The following EPRS1 variants were observed in gnomAD, a reference collection of about 807,000 sequenced individuals.
The protein encoded by EPRS1 is bifunctional glutamate/proline--tRNA ligase.
A neutral mutation model predicts 188.3 loss-of-function variants in EPRS1; 107 were observed. The observed-to-expected ratio is 0.57, with a 90% CI of 0.49 to 0.67. The LOEUF is 0.67. Among genes scored for constraint, EPRS1 ranks in the 30% least tolerant of loss-of-function variants. EPRS1 has a pLI of 0.00. For missense variants in EPRS1, 1,577 were observed against 1,802.2 expected, an observed-to-expected ratio of 0.88 and a Z score of 2.26; for synonymous variants, 596 against 593.1, an observed-to-expected ratio of 1.00 and a Z score of -0.07.
chr1:220,001,751 G>A (rs984495895), intron 16 of EPRS1, among the ~76,000 whole-genome samples: 12 of 152,130 alleles, frequency 7.9e-5, no homozygotes, highest in Non-Finnish European at 1.0e-4. Flanking sequence ...AGTCTTGGCC[G>A]GGCGCAGTGG....
intron 1 of EPRS1, among the ~76,000 whole-genome samples, chr1:220,043,546 G>A (rs1345799456): frequency 6.6e-6 from 1 of 152,084 alleles, no homozygotes; most frequent in Non-Finnish European, 1.5e-5. Flanking sequence ...GTGAAGATCT[G>A]ATGCAAAGTG....
chr1:220,024,879 T>C (rs78897660), intron 7 of EPRS1, among the ~76,000 whole-genome samples: 1 of 152,170 alleles, frequency 6.6e-6, no homozygotes, highest in Admixed American at 6.5e-5. Context: ...CCAGTGACCA[T>C]TTAATAAATT....
rs555623621 is a variant in EPRS1, at chr1:219,972,357, G to T, written c.4245-210C>A. On this transcript the variant is annotated intron_variant, in intron 29 of 31. Coordinates refer to ENST00000366923, the MANE Select transcript of EPRS1 (RefSeq NM_004446.3). ...TGAGCCTTAAATGCATGGGAAATGT[G>T]TTAAGCACACAACAGGTGATCATAA... Among the ~76,000 whole-genome samples, 426 of 152,276 alleles carry T rather than the reference G, an allele frequency of 2.8e-3. 1 individual carries two copies. The highest frequency in any genetic ancestry group is 5.2e-3 in the South Asian group (25 of 4,828).
chr1:220,010,258 T>C (rs922455879), intron 13 of EPRS1, among the ~76,000 whole-genome samples: 2 of 152,134 alleles, frequency 1.3e-5, no homozygotes, highest in Admixed American at 6.5e-5. Context: ...GGGAATACCC[T>C]AGTTAATAGA....
Position 219,968,887 on chromosome 1 carries a change from G to T in EPRS1, c.4458C>A (p.Leu1486=). ...ATTTGGCTCCAGGCTGCAGTTCACA[G>T]AGTGGTTTGAAGGGGATGCAAAGGC... ...AKSLCIPFKP[L]CELQPGAKCV... The change falls in exon 32 of 32, where the codon CTC becomes CTA. Residue 1486 remains leucine, a synonymous_variant. Coordinates refer to ENST00000366923, the MANE Select transcript of EPRS1 (RefSeq NM_004446.3). 1 of 1,614,130 alleles carries T rather than the reference G, an allele frequency of 6.2e-7. No homozygotes were observed. The highest frequency in any genetic ancestry group is 8.5e-7 in the Non-Finnish European group (1 of 1,179,966).
chr1:220,021,608 T>C (rs966358840), intron 9 of EPRS1, among the ~76,000 whole-genome samples: 1 of 152,234 alleles, frequency 6.6e-6, no homozygotes, highest in Non-Finnish European at 1.5e-5. Flanking sequence ...TCCAAATGTA[T>C]TGAAAGGATT....
chr1:219,993,315 A>G (rs1448538267), intron 18 of EPRS1, among the ~76,000 whole-genome samples: 1 of 152,188 alleles, frequency 6.6e-6, no homozygotes, highest in Middle Eastern at 3.2e-3. Context: ...ATTCTCTGTT[A>G]TGCACCTCAC....
At chr1:220,033,734 T>C in intron 3 of EPRS1, 76 bp from the exon 4 acceptor site, 2 of 1,057,770 alleles carry the variant, frequency 1.9e-6, no homozygotes, top group South Asian at 1.4e-5. Context: ...AAAAAAATTC[T>C]AGTTAACTAG....
At chr1:220,026,400 A>G (rs975212811) in intron 6 of EPRS1, among the ~76,000 whole-genome samples, 1 of 152,196 alleles carries the variant, frequency 6.6e-6, no homozygotes, top group Non-Finnish European at 1.5e-5. Context: ...ATGTTACACC[A>G]CTATGTTGAA....
At chr1:219,977,331 T>C (rs1660800142) in intron 28 of EPRS1, among the ~76,000 whole-genome samples, 1 of 152,056 alleles carries the variant, frequency 6.6e-6, no homozygotes, top group East Asian at 1.9e-4. Flanking sequence ...ACCCAACTCA[T>C]ACTAAGAATA....
At chr1:220,022,188 G>A (rs1014910919) in intron 9 of EPRS1, among the ~76,000 whole-genome samples, 159 bp downstream of exon 9, 1 of 152,140 alleles carries the variant, frequency 6.6e-6, no homozygotes, top group African/African-American at 2.4e-5. Context: ...TAAACGGCCC[G>A]TGAAAGGCTA....
intron 30 of EPRS1, among the ~76,000 whole-genome samples, chr1:219,971,851 T>G (rs965896840): frequency 3.1e-5 from 4 of 127,238 alleles, no homozygotes; most frequent in African/African-American, 1.1e-4. Flanking sequence ...AAACAAAGAC[T>G]ATATATTTAG....
At position 219,969,218 on chromosome 1, in the gene EPRS1, A is replaced by G. The variant is rs998837612; in HGVS notation, c.4324-96T>C. On this transcript the variant is annotated intron_variant, in intron 30 of 31. Coordinates refer to ENST00000366923, the MANE Select transcript of EPRS1 (RefSeq NM_004446.3). ...AGTTCTATATTAAACTGGCAAGCAA[A>G]AAGGATAGGTCTCCCAACCTTTTTT... 6.9e-5 allele frequency: 60 copies of G among 872,952 alleles called. No individual in the cohort carries two copies. The Admixed American group carries it at 7.1e-4, about 10-fold the overall frequency. 54.1% of individuals were successfully genotyped at this position (872,952 alleles called of 1,614,324 possible).
In EPRS1 at chr1:219,997,123, G is replaced by A. The variant is rs1661251926; in HGVS notation, c.2401C>T (p.Pro801Ser). The A allele has an allele frequency of 6.2e-7, 1 of 1,614,044 alleles. No individual in the cohort carries two copies. The highest frequency in any genetic ancestry group is 8.5e-7 in the Non-Finnish European group (1 of 1,179,980). The change falls in exon 18 of 32, where the codon CCT (proline) becomes TCT (serine). Residue 801 changes from proline to serine, a missense_variant. Transcript: ENST00000366923. ...YKEKTGQEYK[P>S]GNPPAEIGQN... ...CCTATTTCAGCAGGAGGGTTTCCAG[G>A]TTTATATTCCTGGCCAGTTTTCTCC...
intron 26 of EPRS1, 98 bp from the exon 27 acceptor site, chr1:219,979,713 CT>C (rs1031596248): frequency 7.2e-5 from 55 of 762,462 alleles, no homozygotes; most frequent in Middle Eastern, 3.8e-4. Flanking sequence ...TGGCACTACA[CT>C]TTTTTTCTCC....
At position 219,973,253 on chromosome 1, in the gene EPRS1, A is replaced by T. The variant is rs1660703429; in HGVS notation, c.4229T>A (p.Val1410Asp). The change falls in exon 29 of 32, where the codon GTC becomes GAC. Residue 1410 changes from valine (V) to aspartate (D), a missense_variant. By Grantham distance (152) the Val-to-Asp change is radical. Around this residue, in one of 3 missense-constraint regions of EPRS1, gnomAD observed 296 missense variants for 327.9 expected, o/e 0.90. Transcript: ENST00000366923. Reference protein sequence around the residue: ...KLQAILEDIQVTLFTRASEDL... With the variant: ...KLQAILEDIQDTLFTRASEDL... ...AAGAAACTACCTTGTGAAAAGGGTG[A>T]CCTGGATGTCTTCCAAAATAGCTTG... 2 of 1,612,606 alleles carry T rather than the reference A, an allele frequency of 1.2e-6. No homozygotes were observed. The highest frequency in any genetic ancestry group is 1.7e-6 in the Non-Finnish European group (2 of 1,179,420).
In EPRS1 at chr1:219,969,140, AAGTAATC is replaced by A; in HGVS notation, c.4324-25_4324-19del. The A allele has an allele frequency of 1.3e-6, 2 of 1,537,108 alleles. No individual in the cohort carries two copies. The highest frequency in any genetic ancestry group is 2.3e-5 in the East Asian group (1 of 44,442). ...TGAACAATCTAATTAAGAAAAGGAA[AAGTAATC>A]AGTATTTATAACTCCTTCAATTCTA... On this transcript the variant is annotated intron_variant, in intron 30 of 31. Coordinates refer to ENST00000366923, the MANE Select transcript of EPRS1 (RefSeq NM_004446.3).
intron 12 of EPRS1, among the ~76,000 whole-genome samples, chr1:220,016,462 T>C (rs933953407): frequency 7.3e-5 from 11 of 151,660 alleles, no homozygotes; most frequent in African/African-American, 1.7e-4. Flanking sequence ...CCAGGCTGGA[T>C]TGCAGTGGTG....
intron 9 of EPRS1, among the ~76,000 whole-genome samples, chr1:220,021,087 T>A (rs978555627): frequency 1.3e-5 from 2 of 151,918 alleles, no homozygotes; most frequent in African/African-American, 4.8e-5. Flanking sequence ...TTCACTATGT[T>A]GGCCAGGCTG....
Sources: gnomAD v4.1 joint callset for allele counts (sites outside exome capture counted in the v4.1 genomes callset) on GRCh38, gnomAD v4.1.1 for gene constraint, gnomAD v4.1.1 regional missense constraint, MANE v1.5 for transcripts, NCBI Gene and HGNC (gene_info 2026-07-23, HGNC 2026-07-21) for gene names.